TXNDC16: variants seen among roughly 807,000 people sequenced by gnomAD.
TXNDC16 encodes the protein thioredoxin domain containing 16.
Under a neutral mutation model 85.6 loss-of-function variants are expected in TXNDC16, and 74 were observed. The observed-to-expected ratio is 0.86, with a 90% CI of 0.72 to 1.05. The LOEUF (loss-of-function observed/expected upper bound fraction) is 1.05. Among genes scored for constraint, TXNDC16 ranks in the 50% least tolerant of loss-of-function variants. The pLI, the probability that TXNDC16 is intolerant of heterozygous loss-of-function variation, is 0.00. For missense variants in TXNDC16, 959 were observed against 947.0 expected, an observed-to-expected ratio of 1.01 and a Z score of -0.17; for synonymous variants, 335 against 326.5, an observed-to-expected ratio of 1.03 and a Z score of -0.28.
At chr14:52,444,217 C>G (rs2035229687) in intron 18 of TXNDC16, among the ~76,000 whole-genome samples, 1 of 152,092 alleles carries the variant, frequency 6.6e-6, no homozygotes, top group Non-Finnish European at 1.5e-5. Context: ...GAGTATATAA[C>G]AGACTATAAC....
rs1270368112 is a variant in TXNDC16, at chr14:52,493,181, CAT to C, written c.757-2178_757-2177del. On this transcript the variant is annotated intron_variant, in intron 9 of 20. Coordinates refer to ENST00000281741, the MANE Select transcript of TXNDC16 (RefSeq NM_020784.3). Reference sequence around the variant, plus strand: ...TTAGAGAAGAAATAAAATGTGAACACATGTCACTGTTCTATATATATATATAT... The same window carrying C: ...TTAGAGAAGAAATAAAATGTGAACACGTCACTGTTCTATATATATATATAT... Among the ~76,000 whole-genome samples the C allele has an allele frequency of 1.9e-3, 243 of 126,486 alleles. 1 individual carries two copies. Among genetic ancestry groups the C allele is most frequent in the African/African-American group, 6.1e-3 (182 of 29,748 alleles). The allele number at this position is 126,486 out of a possible 152,430, so 83.0% of individuals were successfully genotyped here.
chr14:52,466,446 C>T (rs2035777266), intron 16 of TXNDC16, among the ~76,000 whole-genome samples: 1 of 149,508 alleles, frequency 6.7e-6, no homozygotes, highest in South Asian at 2.1e-4. Context: ...AAAGCATCTT[C>T]CACAAGAGGG....
intron 16 of TXNDC16, chr14:52,463,117 AAGT>A (rs914792508): frequency 5.4e-6 from 2 of 367,940 alleles, no homozygotes; most frequent in Non-Finnish European, 1.1e-5. Flanking sequence ...AACTAGATCT[AAGT>A]CAGTTAATTA....
chr14:52,550,809 T>C (rs940951153), intron 1 of TXNDC16, among the ~76,000 whole-genome samples: 1 of 152,232 alleles, frequency 6.6e-6, no homozygotes, highest in African/African-American at 2.4e-5. Flanking sequence ...TCTGATTTTA[T>C]GCTCAATTTA....
At chr14:52,524,932 C>G (rs1372701100) in intron 6 of TXNDC16, among the ~76,000 whole-genome samples, 1 of 151,762 alleles carries the variant, frequency 6.6e-6, no homozygotes, top group Non-Finnish European at 1.5e-5. Context: ...ACCAGCCTGG[C>G]CAACATGGTA....
chr14:52,485,470 C>A (rs1054812806), intron 12 of TXNDC16, among the ~76,000 whole-genome samples: 2 of 152,076 alleles, frequency 1.3e-5, no homozygotes, highest in African/African-American at 4.8e-5. Flanking sequence ...CCTAAGTGTA[C>A]AGTATTTATA....
intron 18 of TXNDC16, among the ~76,000 whole-genome samples, chr14:52,454,366 C>T (rs990421249): frequency 7.4e-5 from 11 of 149,186 alleles, no homozygotes; most frequent in Admixed American, 6.7e-4. Context: ...GCGGAGGTTG[C>T]AGTGAGCCGA....
chr14:52,539,504 T>C (rs76970323), intron 4 of TXNDC16, among the ~76,000 whole-genome samples: 2 of 152,324 alleles, frequency 1.3e-5, no homozygotes, highest in Non-Finnish European at 2.9e-5. Context: ...TATTTGATCA[T>C]AATTGGAATG....
rs191832339 is a variant in TXNDC16 at position 52,433,019 on chromosome 14, T to A, written c.2195-432A>T. Among the ~76,000 whole-genome samples the A allele has an allele frequency of 5.3e-5, 8 of 152,218 alleles. No homozygotes were observed. The East Asian group carries it at 1.5e-3, about 29-fold the overall frequency. ...TCTTATAAATCATTCGAGAAAAAAA[T>A]TTTGGAACATATGTAATTATTTATT... On this transcript the variant is annotated intron_variant, in intron 20 of 20. Transcript: ENST00000281741.
intron 9 of TXNDC16, among the ~76,000 whole-genome samples, chr14:52,509,867 C>A (rs2036913662): frequency 6.6e-6 from 1 of 151,842 alleles, no homozygotes; most frequent in African/African-American, 2.4e-5. Context: ...GTACTCCCAG[C>A]TACTCAGGAG....
At position 52,490,332 on chromosome 14, in the gene TXNDC16, C is replaced by G. The variant is rs2036370701; in HGVS notation, c.984+59G>C. On this transcript the variant is annotated intron_variant, in intron 11 of 20. Coordinates refer to ENST00000281741, the MANE Select transcript of TXNDC16 (RefSeq NM_020784.3). Reference sequence around the variant, plus strand: ...TATAATAAAAATATATTAAAGACCACATATATTAGCTTTCTTTAAATAAAC... The same window carrying G: ...TATAATAAAAATATATTAAAGACCAGATATATTAGCTTTCTTTAAATAAAC... 5 of 1,191,092 alleles carry G rather than the reference C, an allele frequency of 4.2e-6. No individual in the cohort carries two copies. The South Asian group carries it at 8.3e-5, about 20-fold the overall frequency. The allele number at this position is 1,191,092 out of a possible 1,614,324, so 73.8% of individuals were successfully genotyped here. A position where few individuals can be genotyped will look rare whatever the true frequency, so the allele number is the denominator to read the frequency against.
intron 14 of TXNDC16, 132 bp from the exon 15 acceptor site, chr14:52,470,812 T>C (rs1162552042): frequency 3.5e-5 from 26 of 749,326 alleles, no homozygotes; most frequent in Non-Finnish European, 4.7e-5. Flanking sequence ...AAACACTCTC[T>C]TCCCTTGATC....
chr14:52,519,983 T>G lies in TXNDC16; in HGVS notation c.393-690A>C, dbSNP rs375437780. 2.4e-4 allele frequency among the ~76,000 whole-genome samples: 36 copies of G among 152,328 alleles called. 1 individual carries two copies. The highest frequency in any genetic ancestry group is 8.2e-4 in the African/African-American group (34 of 41,590). On this transcript the variant is annotated intron_variant, in intron 6 of 20. Coordinates refer to ENST00000281741, the MANE Select transcript of TXNDC16 (RefSeq NM_020784.3). ...CTCCACCTTTCTCATTAAACCCTCA[T>G]GCCCTTGAGGCAAGGATTTTGCATA...
At chr14:52,517,920 G>C (rs924192750) in intron 7 of TXNDC16, among the ~76,000 whole-genome samples, 1 of 151,928 alleles carries the variant, frequency 6.6e-6, no homozygotes, top group Non-Finnish European at 1.5e-5. Context: ...CCTCCTATCA[G>C]GCATTAAACC....
intron 20 of TXNDC16, 123 bp from the exon 21 acceptor site, chr14:52,432,710 TATCTA>T (rs1414211535): frequency 2.0e-6 from 2 of 1,003,580 alleles, no homozygotes; most frequent in African/African-American, 3.4e-5. Flanking sequence ...TAGTTTTACT[TATCTA>T]AGCAAAGCTA....
chr14:52,506,527 C>CTTTTT (rs765293725), intron 9 of TXNDC16, among the ~76,000 whole-genome samples: 68 of 97,556 alleles, frequency 7.0e-4, no homozygotes, highest in Middle Eastern at 6.4e-3. Flanking sequence ...TTCAACAACC[C>CTTTTT]TTTTTTTTTT....
intron 9 of TXNDC16, among the ~76,000 whole-genome samples, chr14:52,509,094 T>C (rs557905868): frequency 7.9e-5 from 12 of 151,706 alleles, no homozygotes; most frequent in Admixed American, 3.9e-4. Context: ...GTAAGCATCA[T>C]AAAGTGAAAT....
intron 6 of TXNDC16, among the ~76,000 whole-genome samples, chr14:52,533,935 T>C (rs991595635): frequency 2.6e-4 from 39 of 152,116 alleles, no homozygotes; most frequent in African/African-American, 2.4e-5. Context: ...CATATAAGCA[T>C]AGGGGCCTGA....
intron 9 of TXNDC16, 33 bp from the exon 10 acceptor site, chr14:52,491,038 A>AT: frequency 6.5e-7 from 1 of 1,540,408 alleles, no homozygotes; most frequent in South Asian, 1.2e-5. Flanking sequence ...AAAAGGTGTG[A>AT]TAACAATATT....
Sources: allele counts gnomAD v4.1 joint callset (sites outside exome capture counted in the v4.1 genomes callset), GRCh38; gene constraint gnomAD v4.1.1; transcripts MANE v1.5; gene names NCBI Gene and HGNC (gene_info 2026-07-23, HGNC 2026-07-21).